Variants in KLF12 observed in about 807,000 individuals in gnomAD.
KLF12 encodes Krueppel-like factor 12.
A neutral mutation model predicts 37.8 loss-of-function variants in KLF12; 9 were observed. That is an observed-to-expected ratio of 0.24 (90% CI 0.14 to 0.42). The LOEUF is 0.42. Among genes scored for constraint, KLF12 ranks in the 10% least tolerant of loss-of-function variants. The probability of loss-of-function intolerance (pLI) is 1.00; values close to 1 mark genes in which losing one functional copy is unlikely to be tolerated. For missense variants in KLF12, 411 were observed against 516.0 expected (o/e 0.80, Z 1.97); for synonymous variants, 208 against 202.1 (o/e 1.03, Z -0.25).
chr13:73,837,681 A>G (rs1296460177), intron 4 of KLF12, among the ~76,000 whole-genome samples: 1 of 152,204 alleles, frequency 6.6e-6, no homozygotes, highest in Non-Finnish European at 1.5e-5. Flanking sequence ...CATAAACCAA[A>G]TAACAGCAAT....
chr13:73,886,560 A>G (rs377319303), intron 3 of KLF12, among the ~76,000 whole-genome samples: 1 of 152,250 alleles, frequency 6.6e-6, no homozygotes, highest in East Asian at 1.9e-4. Flanking sequence ...CTGTGCAGCA[A>G]ACCACCATGG....
At chr13:74,168,916 T>C in the KLF12 span, among the ~76,000 whole-genome samples, 1 of 152,252 alleles carries the variant, frequency 6.6e-6, no homozygotes, top group Admixed American at 6.5e-5. Context: ...GTATTAGGGA[T>C]TGAAATTCAT....
At chr13:73,867,987 C>T (rs1184982181) in intron 3 of KLF12, among the ~76,000 whole-genome samples, 1 of 149,536 alleles carries the variant, frequency 6.7e-6, no homozygotes, top group Non-Finnish European at 1.5e-5. Context: ...TGCTATTGCA[C>T]TCCAGCCTGG....
chr13:73,838,594 A>AT (rs891933459), intron 4 of KLF12, among the ~76,000 whole-genome samples: 1 of 152,132 alleles, frequency 6.6e-6, no homozygotes, highest in Admixed American at 6.6e-5. Context: ...ATAATAAGTT[A>AT]TTTTTTCAAG....
chr13:74,138,207 G>A (rs1878615070), upstream of KLF12, among the ~76,000 whole-genome samples: 2 of 152,214 alleles, frequency 1.3e-5, no homozygotes, highest in South Asian at 4.1e-4. Context: ...ACGATTTCAA[G>A]GAATAGGGTA....
intron 1 of KLF12, among the ~76,000 whole-genome samples, chr13:74,024,500 G>A (rs1318223828): frequency 6.6e-6 from 1 of 152,178 alleles, no homozygotes; most frequent in African/African-American, 2.4e-5. Flanking sequence ...AGTAACAGCA[G>A]CAATCAGCTG....
chr13:74,037,212 A>C (rs1435114210), intron 1 of KLF12, among the ~76,000 whole-genome samples: 1 of 152,090 alleles, frequency 6.6e-6, no homozygotes, highest in Non-Finnish European at 1.5e-5. Context: ...CCAAAAAAAA[A>C]AAAAAAAAAA....
At chr13:74,239,334 A>G in the KLF12 span, among the ~76,000 whole-genome samples, 1 of 145,684 alleles carries the variant, frequency 6.9e-6, no homozygotes, top group Non-Finnish European at 1.5e-5. Flanking sequence ...GTTCTTTTAC[A>G]TTTGCTGAGG....
chr13:74,186,192 T>C, the KLF12 span, among the ~76,000 whole-genome samples: 1 of 151,350 alleles, frequency 6.6e-6, no homozygotes, highest in East Asian at 1.9e-4. Flanking sequence ...GTCTAAGAGA[T>C]TTTTTTTTCT....
At chr13:74,034,221 C>T (rs1853740) in intron 1 of KLF12, among the ~76,000 whole-genome samples, 1 of 149,892 alleles carries the variant, frequency 6.7e-6, no homozygotes, top group East Asian at 1.9e-4. Flanking sequence ...CACCACCATG[C>T]CTGGCGAATT....
At chr13:73,947,681 C>G (rs1363310642) in intron 2 of KLF12, among the ~76,000 whole-genome samples, 1 of 144,474 alleles carries the variant, frequency 6.9e-6, no homozygotes, top group Non-Finnish European at 1.5e-5. Flanking sequence ...GTTGGCAACA[C>G]AGTAGTCGAG....
chr13:73,810,828 T>C (rs1279200342), intron 5 of KLF12, among the ~76,000 whole-genome samples: 34 of 152,126 alleles, frequency 2.2e-4, no homozygotes, highest in Admixed American at 2.2e-3. Flanking sequence ...TCAGAATCAC[T>C]GTGCTGACCG....
At chr13:73,724,126 G>A (rs968962685) in intron 6 of KLF12, among the ~76,000 whole-genome samples, 4 of 152,150 alleles carry the variant, frequency 2.6e-5, no homozygotes, top group African/African-American at 9.7e-5. Flanking sequence ...CAATAGCAGA[G>A]ACTTGGAACC....
intron 3 of KLF12, among the ~76,000 whole-genome samples, chr13:73,882,715 A>C (rs1376573704): frequency 3.3e-5 from 5 of 152,236 alleles, no homozygotes; most frequent in Non-Finnish European, 7.3e-5. Context: ...TAAAATCCAA[A>C]ATGAATGCTT....
chr13:73,842,940 A>G (rs1884817483), intron 4 of KLF12, among the ~76,000 whole-genome samples: 2 of 152,210 alleles, frequency 1.3e-5, no homozygotes. Context: ...CTATTACCTA[A>G]TTAATCAGTT....
chr13:74,251,178 G>A, the KLF12 span, among the ~76,000 whole-genome samples: 5 of 152,026 alleles, frequency 3.3e-5, no homozygotes, highest in Non-Finnish European at 7.4e-5. Context: ...TTGAGATGGA[G>A]TCTAATTCTA....
chr13:73,708,307 C>G (rs915772614), intron 7 of KLF12, among the ~76,000 whole-genome samples: 3 of 152,116 alleles, frequency 2.0e-5, no homozygotes, highest in Non-Finnish European at 4.4e-5. Flanking sequence ...ACAAATTTAT[C>G]AGAGAACAGT....
chr13:74,270,472 A>C, the KLF12 span, among the ~76,000 whole-genome samples: 2 of 152,198 alleles, frequency 1.3e-5, no homozygotes, highest in African/African-American at 4.8e-5. Flanking sequence ...GCCTGAGTGA[A>C]CTTCCCTGAT....
At chr13:74,099,977 T>C (rs185337403) in intron 1 of KLF12, among the ~76,000 whole-genome samples, 8 of 152,206 alleles carry the variant, frequency 5.3e-5, no homozygotes, top group Admixed American at 3.9e-4. Context: ...CATGGAGTGC[T>C]GATGGGAAAG....
Sources: gnomAD v4.1 joint callset for allele counts (sites outside exome capture counted in the v4.1 genomes callset) on GRCh38, gnomAD v4.1.1 for gene constraint, MANE v1.5 for transcripts, NCBI Gene and HGNC (gene_info 2026-07-23, HGNC 2026-07-21) for gene names.